The following POFUT2 variants were observed in gnomAD, a reference collection of about 807,000 sequenced individuals.
The protein encoded by POFUT2 is protein O-fucosyltransferase 2, also known as GDP-fucose protein O-fucosyltransferase 2.
POFUT2 carries 30 observed loss-of-function variants against 55.0 expected under a neutral mutation model. The ratio of observed to expected loss-of-function variants is 0.55; its 90% CI spans 0.41 to 0.74. The LOEUF (loss-of-function observed/expected upper bound fraction) is 0.74, where lower values mean the gene tolerates loss of function less well. Ranked by LOEUF, POFUT2 falls within the 30% of genes least tolerant of loss-of-function variation. The pLI, the probability that POFUT2 is intolerant of heterozygous loss-of-function variation, is 0.00. For missense variants in POFUT2, 524 were observed against 562.6 expected (o/e 0.93, Z 0.69); for synonymous variants, 267 against 231.1 (o/e 1.16, Z -1.41).
intron 4 of POFUT2, among the ~76,000 whole-genome samples, chr21:45,278,660 C>T (rs1020975773): frequency 2.0e-5 from 3 of 152,238 alleles, no homozygotes; most frequent in Non-Finnish European, 4.4e-5. Context: ...CTTTCCACAG[C>T]GTCTCGTCCG....
At chr21:45,266,635 C>T in intron 8 of POFUT2, 2 of 1,006,972 alleles carry the variant, frequency 2.0e-6, no homozygotes, top group Non-Finnish European at 2.4e-6. Context: ...GCGCTGCATC[C>T]TGTCTGCTTA....
intron 6 of POFUT2, among the ~76,000 whole-genome samples, chr21:45,275,394 T>C (rs2093253592): frequency 6.6e-6 from 1 of 152,202 alleles, no homozygotes; most frequent in Non-Finnish European, 1.5e-5. Flanking sequence ...AGAACTACCA[T>C]TTGATCCAGC....
chr21:45,283,479 G>T lies in POFUT2; in HGVS notation c.431C>A (p.Ala144Glu). Reference sequence around the variant, plus strand: ...CCAGGTCCCTTCTTTCCACCCCTCTGCGTAACTTTGCAGGACGTAAACCTG... The same window carrying T: ...CCAGGTCCCTTCTTTCCACCCCTCTTCGTAACTTTGCAGGACGTAAACCTG... The part of the protein sequence containing the change: ...IDQVYVLQSY[A>E]EGWKEGTWEE... The change falls in exon 3 of 9, where the codon GCA becomes GAA. Residue 144 changes from alanine to glutamate, a missense_variant. Coordinates refer to ENST00000349485, the MANE Select transcript of POFUT2 (RefSeq NM_133635.6). The T allele has an allele frequency of 6.2e-7, 1 of 1,613,884 alleles. No individual in the cohort carries two copies. The highest frequency in any genetic ancestry group is 1.1e-5 in the South Asian group (1 of 91,068).
chr21:45,270,137 G>A lies in POFUT2; in HGVS notation c.832-118C>T, dbSNP rs2093206238. On this transcript the variant is annotated intron_variant, in intron 6 of 8. Transcript: ENST00000349485. This position sits in a 1 kb window ranked among gnomAD's most constrained non-coding sequence, Gnocchi z 4.6. Reference sequence around the variant, plus strand: ...CCCTTTCCATGTGGCCTCCTCCACGGGGTGGCTCCAGGGCTGTCTAAGGGA... The same window carrying A: ...CCCTTTCCATGTGGCCTCCTCCACGAGGTGGCTCCAGGGCTGTCTAAGGGA... 1.4e-6 allele frequency: 1 copy of A among 726,284 alleles called. No homozygotes were observed. Among genetic ancestry groups the A allele is most frequent in the East Asian group, 3.2e-5 (1 of 31,074 alleles). The allele number at this position is 726,284 out of a possible 1,614,324, so 45.0% of individuals were successfully genotyped here.
Position 45,285,757 on chromosome 21 carries a change from C to A in POFUT2, c.303G>T (p.Arg101=), listed in dbSNP as rs762716853. The A allele has an allele frequency of 1.2e-6, 2 of 1,613,514 alleles. No individual in the cohort carries two copies. Among genetic ancestry groups the A allele is most frequent in the African/African-American group, 1.3e-5 (1 of 75,036 alleles). The change falls in exon 2 of 9, where the codon CGG becomes CGT. Residue 101 remains arginine (R), a synonymous_variant. Coordinates refer to ENST00000349485, the MANE Select transcript of POFUT2 (RefSeq NM_133635.6). The surrounding 1 kb of genome is among the most constrained non-coding windows in gnomAD (Gnocchi z 4.9). ...HWQSPDIHQV[R]IPWSEFFDLP... is the part of the protein sequence containing the mutation. ...GATCAAAAAACTCAGACCAGGGAAT[C>A]CGGACCTGGTGGATGTCAGGACTCT...
chr21:45,280,158 G>C (rs946773131), intron 4 of POFUT2, among the ~76,000 whole-genome samples: 1 of 152,228 alleles, frequency 6.6e-6, no homozygotes, highest in African/African-American at 2.4e-5. Flanking sequence ...GAGGAACAAG[G>C]AGGAAGAAAG....
chr21:45,266,702 T>G (rs1381785147), intron 8 of POFUT2: 23 of 1,004,950 alleles, frequency 2.3e-5, no homozygotes, highest in Non-Finnish European at 2.7e-5. Context: ...CTGTGGGTCT[T>G]ACACACCATG....
intron 6 of POFUT2, among the ~76,000 whole-genome samples, chr21:45,271,918 C>T (rs2093222346): frequency 6.6e-6 from 1 of 152,158 alleles, no homozygotes; most frequent in Non-Finnish European, 1.5e-5. Flanking sequence ...TGAAACAAAA[C>T]CTCAAAATAC....
At chr21:45,272,685 C>A (rs192875556) in intron 6 of POFUT2, among the ~76,000 whole-genome samples, 1 of 152,158 alleles carries the variant, frequency 6.6e-6, no homozygotes, top group African/African-American at 2.4e-5. Flanking sequence ...TTAAGAAAAT[C>A]AAAATTATGT....
chr21:45,277,911 C>G lies in POFUT2; in HGVS notation c.705+192G>C. 1 of 638,784 alleles carries G rather than the reference C, an allele frequency of 1.6e-6. No individual in the cohort carries two copies. The highest frequency in any genetic ancestry group is 2.8e-6 in the Non-Finnish European group (1 of 359,388). 39.6% of individuals were successfully genotyped at this position (638,784 alleles called of 1,614,324 possible). A position where few individuals can be genotyped will look rare whatever the true frequency, so the allele number is the denominator to read the frequency against. On this transcript the variant is annotated intron_variant, in intron 5 of 8. Transcript: ENST00000349485. The surrounding 1 kb of genome is among the most constrained non-coding windows in gnomAD (Gnocchi z 6.9). Reference sequence around the variant, plus strand: ...AGAGCTGGGTGGCCCTGCGGGCTCCCGAGGACCTGGCTCTGCAGCCACGTG... The same window carrying G: ...AGAGCTGGGTGGCCCTGCGGGCTCCGGAGGACCTGGCTCTGCAGCCACGTG...
In POFUT2 at chr21:45,277,882, G is replaced by T; in HGVS notation, c.705+221C>A. On this transcript the variant is annotated intron_variant, in intron 5 of 8. Coordinates refer to ENST00000349485, the MANE Select transcript of POFUT2 (RefSeq NM_133635.6). The surrounding 1 kb of genome is among the most constrained non-coding windows in gnomAD (Gnocchi z 6.9). ...CGCATTCAGGGCCTGTGGCATCAGAGGGGAGAGCTGGGTGGCCCTGCGGGC... is the reference window on the plus strand; with the variant it reads ...CGCATTCAGGGCCTGTGGCATCAGATGGGAGAGCTGGGTGGCCCTGCGGGC... 1.7e-6 allele frequency: 1 copy of T among 593,826 alleles called. No homozygotes were observed. Among genetic ancestry groups the T allele is most frequent in the Non-Finnish European group, 3.0e-6 (1 of 333,538 alleles). The allele number at this position is 593,826 out of a possible 1,614,324, so 36.8% of individuals were successfully genotyped here.
rs532516180 is a variant in POFUT2, at chr21:45,281,019, C to T, written c.638+1330G>A. ...TTGTTGAAGAAAGCTTTCTGCCCCA[C>T]GGTGGTGAGGCTCCTCTCCTGACGG... On this transcript the variant is annotated intron_variant, in intron 4 of 8. Coordinates refer to ENST00000349485, the MANE Select transcript of POFUT2 (RefSeq NM_133635.6). This position sits in a 1 kb window ranked among gnomAD's most constrained non-coding sequence, Gnocchi z 5.0. 3.3e-5 allele frequency among the ~76,000 whole-genome samples: 5 copies of T among 152,356 alleles called. No homozygotes were observed. The East Asian group carries it at 5.8e-4, about 18-fold the overall frequency.
In POFUT2 at chr21:45,287,811, C is replaced by T. The variant is rs746867295; in HGVS notation, c.61G>A (p.Ala21Thr). The T allele has an allele frequency of 6.0e-6, 9 of 1,507,834 alleles. No individual in the cohort carries two copies. In the South Asian group the frequency reaches 9.9e-5, roughly 17 times the overall value. The allele number at this position is 1,507,834 out of a possible 1,614,324, so 93.4% of individuals were successfully genotyped here. The change falls in exon 1 of 9, where the codon GCC becomes ACC. Residue 21 changes from alanine to threonine, a missense_variant. By Grantham distance (58) the Ala-to-Thr change is moderately conservative. Transcript: ENST00000349485. ...LGAVSWPPAS[A>T]SGQEFWPGQS... is the part of the protein sequence containing the mutation. ...CCGGGCCAGAACTCCTGGCCGGAGG[C>T]AGAAGCCGGAGGCCAGGACACTGCC...
At chr21:45,272,931 G>A (rs986535356) in intron 6 of POFUT2, among the ~76,000 whole-genome samples, 2 of 152,134 alleles carry the variant, frequency 1.3e-5, no homozygotes, top group African/African-American at 4.8e-5. Context: ...AGCATTAAAT[G>A]CTTACATCAA....
At chr21:45,276,217 A>T (rs1303862225) in intron 6 of POFUT2, among the ~76,000 whole-genome samples, 3 of 149,106 alleles carry the variant, frequency 2.0e-5, no homozygotes, top group Middle Eastern at 6.9e-3. Flanking sequence ...AATTAATTAA[A>T]TAAAATTAAA....
intron 7 of POFUT2, among the ~76,000 whole-genome samples, chr21:45,268,040 C>T (rs1341241154): frequency 1.3e-5 from 2 of 152,096 alleles, no homozygotes; most frequent in East Asian, 1.9e-4. Context: ...CCCTCTCATG[C>T]GGAGCCAAAG....
At chr21:45,275,677 C>T (rs542948749) in intron 6 of POFUT2, among the ~76,000 whole-genome samples, 22 of 152,150 alleles carry the variant, frequency 1.4e-4, no homozygotes, top group African/African-American at 5.3e-4. Context: ...TATGTTCTCA[C>T]GGGAACTAAG....
chr21:45,269,098 C>T (rs201458810), intron 7 of POFUT2, among the ~76,000 whole-genome samples: 6,404 of 84,946 alleles, frequency 0.075, 1 homozygote, highest in South Asian at 0.12. Context: ...CGCCTCTGCC[C>T]GGCCGCCCCT....
rs1166773365 is a variant in POFUT2 at position 45,281,694 on chromosome 21, G to A, written c.638+655C>T. Among the ~76,000 whole-genome samples, 1 of 152,012 alleles carries A rather than the reference G, an allele frequency of 6.6e-6. No homozygotes were observed. Among genetic ancestry groups the A allele is most frequent in the Non-Finnish European group, 1.5e-5 (1 of 68,014 alleles). The stretch of plus-strand genomic sequence containing the variant: ...GGGCACCCGTGCCCTGCTATGCCTG[G>A]TCTATGGGAGACGCTCACAGTGCCT... On this transcript the variant is annotated intron_variant, in intron 4 of 8. Coordinates refer to ENST00000349485, the MANE Select transcript of POFUT2 (RefSeq NM_133635.6). The surrounding 1 kb of genome is among the most constrained non-coding windows in gnomAD (Gnocchi z 5.0).
Sources: allele counts gnomAD v4.1 joint callset (sites outside exome capture counted in the v4.1 genomes callset), GRCh38; gene constraint gnomAD v4.1.1; non-coding constraint Gnocchi (gnomAD v3.1); transcripts MANE v1.5; gene names NCBI Gene and HGNC (gene_info 2026-07-23, HGNC 2026-07-21).